The following AKAP13 variants were observed in gnomAD, a reference collection of about 807,000 sequenced individuals.
AKAP13 encodes the protein A-kinase anchor protein 13.
In AKAP13, 80 loss-of-function variants were observed where a neutral mutation model predicts 264.5. The ratio of observed to expected loss-of-function variants is 0.30; its 90% CI spans 0.25 to 0.36. The LOEUF (loss-of-function observed/expected upper bound fraction) is 0.36, where lower values mean the gene tolerates loss of function less well. Among genes scored for constraint, AKAP13 ranks in the 10% least tolerant of loss-of-function variants. AKAP13 has a pLI of 1.00. For synonymous variants in AKAP13, 1,380 were observed against 1,250.2 expected (o/e 1.10, Z -2.19); for missense variants, 3,712 against 3,435.2 (o/e 1.08, Z -2.01).
intron 7 of AKAP13, among the ~76,000 whole-genome samples, chr15:85,584,421 A>G (rs1479006186): frequency 6.6e-6 from 1 of 152,002 alleles, no homozygotes; most frequent in Non-Finnish European, 1.5e-5. Context: ...AGGTACCAAA[A>G]ATCACATCCC....
intron 14 of AKAP13, among the ~76,000 whole-genome samples, chr15:85,678,190 C>A (rs2084361131): frequency 6.6e-6 from 1 of 152,124 alleles, no homozygotes; most frequent in Admixed American, 6.5e-5. Context: ...AATGGAGAAA[C>A]CACTTATAAT....
At chr15:85,622,669 T>C (rs1257028057) in intron 8 of AKAP13, among the ~76,000 whole-genome samples, 1 of 152,170 alleles carries the variant, frequency 6.6e-6, no homozygotes, top group Non-Finnish European at 1.5e-5. Context: ...CATATAGTGT[T>C]TACATTCCTA....
chr15:85,646,250 G>A (rs1436573129), intron 10 of AKAP13, among the ~76,000 whole-genome samples: 2 of 152,068 alleles, frequency 1.3e-5, no homozygotes, highest in Non-Finnish European at 2.9e-5. Context: ...TGAGGTGGGC[G>A]GACCCCTTGA....
chr15:85,555,940 C>CA lies in AKAP13; in HGVS notation c.662+11990dup, dbSNP rs377174458. ...GCTATGGATTTTATAAAACTTATAACAAAAACCCTAATATACTTTATTAGC... is the reference window on the plus strand; with the variant it reads ...GCTATGGATTTTATAAAACTTATAACAAAAAACCCTAATATACTTTATTAGC... On this transcript the variant is annotated intron_variant, in intron 5 of 36. Transcript: ENST00000394518. Among the ~76,000 whole-genome samples, 966 of 152,264 alleles carry CA rather than the reference C, an allele frequency of 6.3e-3. 11 individuals are homozygous for CA. The highest frequency in any genetic ancestry group is 0.022 in the African/African-American group (906 of 41,548).
chr15:85,465,739 A>G (rs951755504), intron 1 of AKAP13, among the ~76,000 whole-genome samples: 12 of 150,778 alleles, frequency 8.0e-5, no homozygotes, highest in South Asian at 4.2e-4. Context: ...CATTTTCTTA[A>G]TCCAGTCTAT....
intron 3 of AKAP13, among the ~76,000 whole-genome samples, chr15:85,525,841 C>G (rs1369303317): frequency 6.6e-6 from 1 of 152,032 alleles, no homozygotes. Flanking sequence ...TTATTGTGTT[C>G]ATTTTTATTA....
rs886451693 is a variant in AKAP13, at chr15:85,380,610, G to C, written c.-200G>C. ...CATGCGCGGACTGGAGCTGTGTGCA[G>C]GGCCAGCGCGGAGCCCGAGCAGCCG... On this transcript the variant is annotated 5_prime_UTR_variant, in exon 1 of 37. Coordinates refer to ENST00000394518, the MANE Select transcript of AKAP13 (RefSeq NM_007200.5). 4.0e-5 allele frequency: 6 copies of C among 150,690 alleles called. No homozygotes were observed. The highest frequency in any genetic ancestry group is 8.8e-5 in the Non-Finnish European group (6 of 67,862). 9.3% of individuals were successfully genotyped at this position (150,690 alleles called of 1,614,324 possible). A position where few individuals can be genotyped will look rare whatever the true frequency, so the allele number is the denominator to read the frequency against.
At chr15:85,527,506 C>T (rs939890893) in intron 3 of AKAP13, among the ~76,000 whole-genome samples, 3 of 152,158 alleles carry the variant, frequency 2.0e-5, no homozygotes, top group Non-Finnish European at 2.9e-5. Context: ...TGAAAAGGCT[C>T]TTTGGGATAT....
At chr15:85,685,052 C>A in intron 16 of AKAP13, 179 bp downstream of exon 16, 2 of 726,766 alleles carry the variant, frequency 2.8e-6, no homozygotes, top group South Asian at 2.3e-5. Context: ...AGAAGTGGAA[C>A]TACCAGTTAC....
At chr15:85,590,860 A>G (rs560533404) in intron 8 of AKAP13, among the ~76,000 whole-genome samples, 1 of 152,200 alleles carries the variant, frequency 6.6e-6, no homozygotes, top group Non-Finnish European at 1.5e-5. Flanking sequence ...TCAAGTACTT[A>G]GATCAGAGCC....
chr15:85,576,478 C>T (rs1289140324), intron 6 of AKAP13, among the ~76,000 whole-genome samples: 7 of 152,164 alleles, frequency 4.6e-5, no homozygotes, highest in African/African-American at 1.7e-4. Context: ...TCCCTGTTAG[C>T]ATTTATTACG....
At chr15:85,643,566 T>C (rs923541305) in intron 9 of AKAP13, among the ~76,000 whole-genome samples, 3 of 152,378 alleles carry the variant, frequency 2.0e-5, no homozygotes, top group Middle Eastern at 3.4e-3. Flanking sequence ...TTGGAAGTTA[T>C]GTAGTCCAAC....
chr15:85,400,879 T>A lies in AKAP13; in HGVS notation c.-12+20081T>A, dbSNP rs966455730. ...ATATGTATATATATATATATATTTTTTTTTTTTAAACAGAGTATGTTGCTC... is the reference window on the plus strand; with the variant it reads ...ATATGTATATATATATATATATTTTATTTTTTTAAACAGAGTATGTTGCTC... On this transcript the variant is annotated intron_variant, in intron 1 of 36. Coordinates refer to ENST00000394518, the MANE Select transcript of AKAP13 (RefSeq NM_007200.5). Among the ~76,000 whole-genome samples, 307 of 66,302 alleles carry A rather than the reference T, an allele frequency of 4.6e-3. 1 individual carries two copies. Among genetic ancestry groups the A allele is most frequent in the African/African-American group, 0.014 (217 of 15,052 alleles). 43.5% of individuals were successfully genotyped at this position (66,302 alleles called of 152,430 possible). A position where few individuals can be genotyped will look rare whatever the true frequency, so the allele number is the denominator to read the frequency against.
intron 1 of AKAP13, among the ~76,000 whole-genome samples, chr15:85,411,877 C>G (rs1039413144): frequency 6.6e-6 from 1 of 152,168 alleles, no homozygotes; most frequent in Non-Finnish European, 1.5e-5. Context: ...GTAGTGGAGT[C>G]TTTGTTGCCA....
chr15:85,619,324 A>G, intron 8 of AKAP13: 2 of 965,212 alleles, frequency 2.1e-6, no homozygotes, highest in Non-Finnish European at 2.5e-6. Flanking sequence ...AGAAGGAAAA[A>G]GGGAGGAGGA....
At chr15:85,431,134 G>A (rs540726236) in intron 1 of AKAP13, among the ~76,000 whole-genome samples, 43 of 152,270 alleles carry the variant, frequency 2.8e-4, no homozygotes, top group Non-Finnish European at 6.2e-4. Flanking sequence ...AACCATAAAT[G>A]TATTACTTCT....
chr15:85,652,689 C>T (rs1001626422), intron 10 of AKAP13, among the ~76,000 whole-genome samples: 11 of 152,136 alleles, frequency 7.2e-5, no homozygotes, highest in African/African-American at 2.4e-5. Flanking sequence ...TCCTAATCAC[C>T]GTGTCAGTGG....
At chr15:85,509,429 A>G (rs1349562196) in intron 2 of AKAP13, among the ~76,000 whole-genome samples, 3 of 152,236 alleles carry the variant, frequency 2.0e-5, no homozygotes, top group Non-Finnish European at 4.4e-5. Flanking sequence ...ACTTTGAGGT[A>G]ATACTAAAGG....
Position 85,599,586 on chromosome 15 carries a change from G to T in AKAP13, c.4161+13763G>T, listed in dbSNP as rs540164846. Among the ~76,000 whole-genome samples, 4 of 152,128 alleles carry T rather than the reference G, an allele frequency of 2.6e-5. No individual in the cohort carries two copies. The South Asian group carries it at 6.2e-4, about 24-fold the overall frequency. ...ACTGTGCTTCTAGCTGTCCCAGAAG[G>T]GGGGAGGTGGGAAGCTCATCAGTGC... On this transcript the variant is annotated intron_variant, in intron 8 of 36. Transcript: ENST00000394518.
Sources: gnomAD v4.1 joint callset for allele counts (sites outside exome capture counted in the v4.1 genomes callset) on GRCh38, gnomAD v4.1.1 for gene constraint, MANE v1.5 for transcripts, NCBI Gene and HGNC (gene_info 2026-07-23, HGNC 2026-07-21) for gene names.